Variants in PHLDB2 observed in about 807,000 individuals in gnomAD.
The protein encoded by PHLDB2 is pleckstrin homology-like domain family B member 2.
A neutral mutation model predicts 123.6 loss-of-function variants in PHLDB2; 71 were observed. The ratio of observed to expected loss-of-function variants is 0.57; its 90% confidence interval spans 0.47 to 0.70. PHLDB2 has a LOEUF of 0.70. PHLDB2 is among the 30% of genes least tolerant of loss of function. The pLI, the probability that PHLDB2 is intolerant of heterozygous loss-of-function variation, is 0.00. For missense variants in PHLDB2, 1,446 were observed against 1,519.5 expected (o/e 0.95, Z 0.80); for synonymous variants, 547 against 541.6 (o/e 1.01, Z -0.14).
intron 1 of PHLDB2, among the ~76,000 whole-genome samples, chr3:111,829,446 C>T (rs1036297117): frequency 9.2e-5 from 12 of 129,770 alleles, no homozygotes; most frequent in African/African-American, 1.1e-4. Flanking sequence ...ATTTCTTTTT[C>T]TTTTTCTTTT....
chr3:111,875,339 G>GA (rs2065555108), intron 1 of PHLDB2, among the ~76,000 whole-genome samples: 1 of 42,798 alleles, frequency 2.3e-5, no homozygotes, highest in African/African-American at 5.5e-5. Context: ...TAGTAGAGAT[G>GA]GAGTTTCTCC....
At chr3:111,944,707 A>C (rs6783948) in intron 8 of PHLDB2, among the ~76,000 whole-genome samples, 9,016 of 152,076 alleles carry the variant, frequency 0.059, 873 homozygotes, top group African/African-American at 0.2. Context: ...CTTAGACAGA[A>C]TCTTGCTCTG....
intron 1 of PHLDB2, among the ~76,000 whole-genome samples, chr3:111,834,581 A>G (rs983066703): frequency 2.0e-5 from 3 of 151,800 alleles, no homozygotes; most frequent in Non-Finnish European, 4.4e-5. Flanking sequence ...ACAAACAAGG[A>G]TGCAGTAAAT....
chr3:111,867,233 T>TA lies in PHLDB2; in HGVS notation c.-15+7667dup, dbSNP rs374305809. On this transcript the variant is annotated intron_variant, in intron 1 of 17. Transcript: ENST00000431670. ...TGATAAAGAGTTAGTATTTTATACTTAAAAAAAAAATCAGCTAGGAGCCAG... is the reference window on the plus strand; with the variant it reads ...TGATAAAGAGTTAGTATTTTATACTTAAAAAAAAAAATCAGCTAGGAGCCAG... Among the ~76,000 whole-genome samples, 1,277 of 149,856 alleles carry TA rather than the reference T, an allele frequency of 8.5e-3. 23 individuals carry two copies. Among genetic ancestry groups the TA allele is most frequent in the African/African-American group, 0.029 (1,187 of 40,974 alleles).
rs201726032 is a variant in PHLDB2, at chr3:111,885,311, C to T, written c.1234C>T (p.Arg412Trp). ...SGTPQPALRE[R>W]KSSISSISGR... ...AACCCCCCAGCCTGCCCTTCGGGAACGGAAAAGCAGTATTAGCTCCATTTC... is the reference window on the plus strand; with the variant it reads ...AACCCCCCAGCCTGCCCTTCGGGAATGGAAAAGCAGTATTAGCTCCATTTC... The change falls in exon 2 of 18, where the codon CGG becomes TGG. Residue 412 changes from arginine (R) to tryptophan (W), a missense_variant. Transcript: ENST00000431670. 55 of 1,614,070 alleles carry T rather than the reference C, an allele frequency of 3.4e-5. No homozygotes were observed. The highest frequency in any genetic ancestry group is 5.3e-5 in the African/African-American group (4 of 74,990).
chr3:111,902,230 T>C (rs1205484209), intron 2 of PHLDB2, among the ~76,000 whole-genome samples: 2 of 152,274 alleles, frequency 1.3e-5, no homozygotes, highest in African/African-American at 4.8e-5. Flanking sequence ...GAAAACGTCA[T>C]TGGCCAAAAA....
intron 10 of PHLDB2, chr3:111,949,629 A>C: frequency 1.9e-4 from 133 of 686,566 alleles, no homozygotes; most frequent in Non-Finnish European, 2.1e-4. Context: ...AGAACAAACT[A>C]TCAATTTCAT....
rs1008717562 is a variant in PHLDB2, at chr3:111,976,204, T to A, written c.*1641T>A. ...TGCATGATGTAGTAAGCCTCTTAAATATGTGTGTTAAATATATTGAGTTTG... is the reference window on the plus strand; with the variant it reads ...TGCATGATGTAGTAAGCCTCTTAAAAATGTGTGTTAAATATATTGAGTTTG... On this transcript the variant is annotated 3_prime_UTR_variant, in exon 18 of 18. Coordinates refer to ENST00000431670, the MANE Select transcript of PHLDB2 (RefSeq NM_001134438.2). 4 of 152,362 alleles carry A rather than the reference T, an allele frequency of 2.6e-5. No individual in the cohort carries two copies. Among genetic ancestry groups the A allele is most frequent in the South Asian group, 2.1e-4 (1 of 4,826 alleles). 9.4% of individuals were successfully genotyped at this position (152,362 alleles called of 1,614,324 possible). A position where few individuals can be genotyped will look rare whatever the true frequency, so the allele number is the denominator to read the frequency against.
At chr3:111,877,110 G>A (rs559069806) in intron 1 of PHLDB2, among the ~76,000 whole-genome samples, 1 of 152,164 alleles carries the variant, frequency 6.6e-6, no homozygotes, top group Non-Finnish European at 1.5e-5. Flanking sequence ...GGGTCAAATG[G>A]TATTTCTAGT....
chr3:111,936,980 T>C (rs2069534339), intron 6 of PHLDB2, among the ~76,000 whole-genome samples: 2 of 152,254 alleles, frequency 1.3e-5, no homozygotes, highest in Non-Finnish European at 2.9e-5. Context: ...ATTAATTCTT[T>C]TAGAAGTTAT....
chr3:111,864,573 A>G (rs550925508), intron 1 of PHLDB2, among the ~76,000 whole-genome samples: 65 of 152,370 alleles, frequency 4.3e-4, no homozygotes, highest in South Asian at 1.2e-3. Flanking sequence ...AGTTGTCTAT[A>G]GCAGCTAGTG....
intron 1 of PHLDB2, among the ~76,000 whole-genome samples, chr3:111,784,184 A>G (rs1338053206): frequency 2.6e-5 from 4 of 152,206 alleles, no homozygotes; most frequent in African/African-American, 9.6e-5. Flanking sequence ...AATTCCACAA[A>G]TGCATGATTA....
At chr3:111,832,284 T>C (rs1438073749) in intron 1 of PHLDB2, among the ~76,000 whole-genome samples, 1 of 152,128 alleles carries the variant, frequency 6.6e-6, no homozygotes, top group Non-Finnish European at 1.5e-5. Context: ...TTCCCCTGAA[T>C]CCAACAATCT....
intron 2 of PHLDB2, among the ~76,000 whole-genome samples, chr3:111,889,646 G>A (rs950340194): frequency 6.6e-6 from 1 of 152,160 alleles, no homozygotes; most frequent in African/African-American, 2.4e-5. Context: ...AGGCTGCAAT[G>A]AGCCATGATC....
chr3:111,792,949 C>T (rs1225281350), intron 1 of PHLDB2, among the ~76,000 whole-genome samples: 3 of 152,118 alleles, frequency 2.0e-5, no homozygotes, highest in Non-Finnish European at 4.4e-5. Context: ...CACAAGCACC[C>T]CTGTGGCCAC....
chr3:111,827,055 GA>G (rs1019497451), intron 1 of PHLDB2, among the ~76,000 whole-genome samples: 31 of 152,238 alleles, frequency 2.0e-4, no homozygotes, highest in South Asian at 1.0e-3. Context: ...AAAAGGAAAG[GA>G]AAAACAAACA....
chr3:111,751,842 A>G (rs1182673405), intron 1 of PHLDB2, among the ~76,000 whole-genome samples: 1 of 152,052 alleles, frequency 6.6e-6, no homozygotes, highest in Non-Finnish European at 1.5e-5. Flanking sequence ...GTATAATAAT[A>G]ATAAAAATTT....
chr3:111,961,576 G>C (rs2071414029), intron 12 of PHLDB2, among the ~76,000 whole-genome samples: 1 of 152,148 alleles, frequency 6.6e-6, no homozygotes, highest in African/African-American at 2.4e-5. Flanking sequence ...AAAATGTGTA[G>C]TTTGGATCTT....
chr3:111,780,931 T>C (rs2060451140), intron 1 of PHLDB2, among the ~76,000 whole-genome samples: 2 of 152,122 alleles, frequency 1.3e-5, no homozygotes, highest in African/African-American at 4.8e-5. Context: ...CACTGAATCT[T>C]GATTTTCCCC....
Sources: gnomAD v4.1 joint callset for allele counts (sites outside exome capture counted in the v4.1 genomes callset) on GRCh38, gnomAD v4.1.1 for gene constraint, MANE v1.5 for transcripts, NCBI Gene and HGNC (gene_info 2026-07-23, HGNC 2026-07-21) for gene names.